Variants in RUFY3 observed in about 807,000 individuals in gnomAD.
The protein encoded by RUFY3 is RUN and FYVE domain containing 3, also known as protein RUFY3.
RUFY3 carries 34 observed loss-of-function variants against 84.0 expected under a neutral mutation model. The ratio of observed to expected loss-of-function variants is 0.40; its 90% confidence interval spans 0.31 to 0.54. The LOEUF (loss-of-function observed/expected upper bound fraction) is 0.54, where lower values mean the gene tolerates loss of function less well. Ranked by LOEUF, RUFY3 falls within the 20% of genes least tolerant of loss-of-function variation. The pLI, the probability that RUFY3 is intolerant of heterozygous loss-of-function variation, is 0.39. For synonymous variants in RUFY3, 242 were observed against 252.9 expected, an observed-to-expected ratio of 0.96 and a Z score of 0.41; for missense variants, 507 against 736.8, an observed-to-expected ratio of 0.69 and a Z score of 3.61.
chr4:70,746,304 A>G (rs1056989141), intron 1 of RUFY3, among the ~76,000 whole-genome samples: 3 of 151,734 alleles, frequency 2.0e-5, no homozygotes, highest in Admixed American at 2.0e-4. Flanking sequence ...AGATCATGCC[A>G]CTGCACTCAA....
intron 12 of RUFY3, chr4:70,791,747 T>C: frequency 1.0e-6 from 1 of 992,460 alleles, no homozygotes; most frequent in Non-Finnish European, 1.2e-6. Flanking sequence ...CCATGTGAAC[T>C]TGAACTCTTC....
intron 1 of RUFY3, among the ~76,000 whole-genome samples, chr4:70,706,214 C>CA (rs1333897423): frequency 2.6e-5 from 4 of 152,106 alleles, no homozygotes; most frequent in African/African-American, 9.7e-5. Context: ...CTGTAAGCGC[C>CA]AAATACTTTG....
intron 8 of RUFY3, among the ~76,000 whole-genome samples, chr4:70,781,719 C>T (rs1027659609): frequency 6.6e-6 from 1 of 152,198 alleles, no homozygotes; most frequent in Non-Finnish European, 1.5e-5. Flanking sequence ...GGCCTGCCCC[C>T]AGAAAGCATG....
intron 6 of RUFY3, among the ~76,000 whole-genome samples, chr4:70,774,001 C>T (rs1477069790): frequency 6.6e-6 from 1 of 152,096 alleles, no homozygotes; most frequent in Non-Finnish European, 1.5e-5. Context: ...CTCTGTGCTG[C>T]GTTTATACCT....
intron 1 of RUFY3, among the ~76,000 whole-genome samples, chr4:70,760,656 T>A (rs1436812962): frequency 6.6e-6 from 1 of 152,212 alleles, no homozygotes; most frequent in African/African-American, 2.4e-5. Context: ...TTCATGGCTG[T>A]CTTTCAGGGC....
intron 14 of RUFY3, among the ~76,000 whole-genome samples, chr4:70,798,399 CT>C (rs1731790515): frequency 6.6e-6 from 1 of 151,868 alleles, no homozygotes; most frequent in Non-Finnish European, 1.5e-5. Context: ...ACACATTCCA[CT>C]TTTGGATGCA....
intron 1 of RUFY3, among the ~76,000 whole-genome samples, chr4:70,756,784 G>T (rs1724094700): frequency 6.6e-6 from 1 of 152,082 alleles, no homozygotes; most frequent in Non-Finnish European, 1.5e-5. Context: ...ACCATTGTTG[G>T]AGTTCTTACT....
chr4:70,704,851 G>A, exon 1 of RUFY3: 1 of 880,778 alleles, frequency 1.1e-6, no homozygotes, highest in South Asian at 5.6e-5. Context: ...CGGACGGGAC[G>A]GGGCGGCGGC....
chr4:70,782,377 C>G (rs1729072232), intron 8 of RUFY3, among the ~76,000 whole-genome samples: 2 of 150,616 alleles, frequency 1.3e-5, no homozygotes, highest in Non-Finnish European at 3.0e-5. Flanking sequence ...ACTGCAACCT[C>G]TGGTTCAAGC....
upstream of RUFY3, among the ~76,000 whole-genome samples, chr4:70,717,059 G>A (rs983728882): frequency 3.9e-5 from 6 of 152,128 alleles, no homozygotes; most frequent in African/African-American, 7.2e-5. Context: ...AGAGGCAGGA[G>A]TTTAGAAGCA....
intron 17 of RUFY3, 78 bp downstream of exon 17, chr4:70,804,494 G>T: frequency 8.0e-7 from 1 of 1,251,518 alleles, no homozygotes; most frequent in Non-Finnish European, 1.2e-6. Context: ...GGAGTAACAG[G>T]GACTTTCCCG....
chr4:70,804,366 G>GA lies in RUFY3; in HGVS notation c.1673dup (p.Pro559AlafsTer19), dbSNP rs1732608116. 6.2e-7 allele frequency: 1 copy of GA among 1,614,004 alleles called. No individual in the cohort carries two copies. The highest frequency in any genetic ancestry group is 8.5e-7 in the Non-Finnish European group (1 of 1,179,952). ...GGTTTAGGATCAGCTGCTGCTCTCT[G>GA]AAAAGCCACAGTTGTGTCAGCTATG... On this transcript the variant is annotated frameshift_variant, in exon 17 of 18. Coordinates refer to ENST00000381006, the MANE Select transcript of RUFY3 (RefSeq NM_001037442.4). LOFTEE classifies it low-confidence loss of function (END_TRUNC).
At chr4:70,757,789 A>G (rs191231955) in intron 1 of RUFY3, among the ~76,000 whole-genome samples, 5 of 152,324 alleles carry the variant, frequency 3.3e-5, no homozygotes, top group Non-Finnish European at 5.9e-5. Context: ...GACTAAGTCT[A>G]TTATTACCTC....
At chr4:70,734,804 T>C (rs1213495860) in intron 1 of RUFY3, among the ~76,000 whole-genome samples, 1 of 152,258 alleles carries the variant, frequency 6.6e-6, no homozygotes, top group African/African-American at 2.4e-5. Flanking sequence ...TCTTTGATAC[T>C]CTTGCACTAG....
chr4:70,757,237 A>G (rs1239949762), intron 1 of RUFY3, among the ~76,000 whole-genome samples: 2 of 152,246 alleles, frequency 1.3e-5, no homozygotes, highest in African/African-American at 2.4e-5. Context: ...TGATCGTGCC[A>G]CTGCACTCCA....
At position 70,786,625 on chromosome 4, in the gene RUFY3, A is replaced by G. The variant is rs189487891; in HGVS notation, c.1071+1746A>G. On this transcript the variant is annotated intron_variant, in intron 10 of 17. Coordinates refer to ENST00000381006, the MANE Select transcript of RUFY3 (RefSeq NM_001037442.4). Reference sequence around the variant, plus strand: ...ATTTCTCTGATTTGGTCATTACACAATTTTTATATTATCAAAACATCATGT... The same window carrying G: ...ATTTCTCTGATTTGGTCATTACACAGTTTTTATATTATCAAAACATCATGT... Among the ~76,000 whole-genome samples the G allele has an allele frequency of 6.6e-5, 10 of 152,258 alleles. No individual in the cohort carries two copies. The East Asian group carries it at 1.7e-3, about 26-fold the overall frequency.
In RUFY3 at chr4:70,806,497, T is replaced by C; in HGVS notation, c.1720-19T>C. ...CCTTGCTCATCTTCTATTCCCCGCC[T>C]AACCTCCTCTTCTCATAGAATGTGT... On this transcript the variant is annotated intron_variant, in intron 17 of 17. Transcript: ENST00000381006. 1 of 1,613,618 alleles carries C rather than the reference T, an allele frequency of 6.2e-7. No individual in the cohort carries two copies. The highest frequency in any genetic ancestry group is 8.5e-7 in the Non-Finnish European group (1 of 1,179,578).
chr4:70,722,918 G>C (rs1228405564), intron 1 of RUFY3, among the ~76,000 whole-genome samples, 167 bp downstream of exon 1: 1 of 152,094 alleles, frequency 6.6e-6, no homozygotes, highest in African/African-American at 2.4e-5. Context: ...TTGCTCATGG[G>C]GGAAAGATAA....
chr4:70,709,522 G>A (rs6813178), intron 1 of RUFY3, among the ~76,000 whole-genome samples: 33,650 of 151,990 alleles, frequency 0.22, 7,665 homozygotes, highest in African/African-American at 0.58. Flanking sequence ...TTTATATTTC[G>A]TGGTGGCTTT....
Sources: gnomAD v4.1 joint callset for allele counts (sites outside exome capture counted in the v4.1 genomes callset) on GRCh38, gnomAD v4.1.1 for gene constraint, MANE v1.5 for transcripts, NCBI Gene and HGNC (gene_info 2026-07-23, HGNC 2026-07-21) for gene names.